Variants in ETV5 observed in about 807,000 individuals in gnomAD.
ETV5 encodes ETS variant transcription factor 5.
ETV5 carries 10 observed loss-of-function variants against 70.0 expected under a neutral mutation model. That is an observed-to-expected ratio of 0.14 (90% CI 0.09 to 0.24). ETV5 has a LOEUF of 0.24. Among genes scored for constraint, ETV5 ranks in the 10% least tolerant of loss-of-function variants. The pLI is 1.00. For synonymous variants in ETV5, 216 were observed against 242.2 expected (o/e 0.89, Z 1.01); for missense variants, 453 against 651.2 (o/e 0.70, Z 3.31).
At chr3:186,085,711 T>C (rs1271154126) in intron 5 of ETV5, among the ~76,000 whole-genome samples, 1 of 152,070 alleles carries the variant, frequency 6.6e-6, no homozygotes, top group African/African-American at 2.4e-5. Context: ...GGTTTCACCA[T>C]GTTGGTCAGG....
intron 5 of ETV5, among the ~76,000 whole-genome samples, chr3:186,098,842 T>C (rs1370342138): frequency 6.6e-6 from 1 of 152,226 alleles, no homozygotes; most frequent in Non-Finnish European, 1.5e-5. Flanking sequence ...ATGTCTTATG[T>C]ATGCTTCTTC....
chr3:186,063,393 T>C (rs886786753), intron 9 of ETV5, among the ~76,000 whole-genome samples: 1 of 152,232 alleles, frequency 6.6e-6, no homozygotes, highest in Non-Finnish European at 1.5e-5. Context: ...TCTTATTTGT[T>C]CCCAATTACT....
chr3:186,077,771 G>C (rs748721039), intron 7 of ETV5, among the ~76,000 whole-genome samples: 7 of 152,206 alleles, frequency 4.6e-5, no homozygotes, highest in Non-Finnish European at 7.3e-5. Context: ...CAGCACTCTT[G>C]AGTGGAAATC....
chr3:186,084,673 T>C (rs562763956), intron 5 of ETV5, among the ~76,000 whole-genome samples: 6 of 152,248 alleles, frequency 3.9e-5, no homozygotes, highest in South Asian at 2.1e-4. Context: ...CTCACATTTA[T>C]AGATAAGGAT....
At chr3:186,053,452 G>GA (rs1244601538) in intron 11 of ETV5, among the ~76,000 whole-genome samples, 2 of 152,188 alleles carry the variant, frequency 1.3e-5, no homozygotes, top group South Asian at 2.1e-4. Context: ...GAATCAGAGA[G>GA]AAAACAGCAT....
At chr3:186,086,558 A>T (rs977988953) in intron 5 of ETV5, among the ~76,000 whole-genome samples, 1 of 152,244 alleles carries the variant, frequency 6.6e-6, no homozygotes, top group Non-Finnish European at 1.5e-5. Flanking sequence ...ACATGTAAAA[A>T]AACTTTTAGT....
intron 7 of ETV5, among the ~76,000 whole-genome samples, chr3:186,073,359 G>C (rs997557368): frequency 1.3e-5 from 2 of 152,268 alleles, no homozygotes; most frequent in African/African-American, 4.8e-5. Flanking sequence ...CTCTGTCCAA[G>C]CGTGATTTTA....
At chr3:186,087,843 T>C (rs1189880498) in intron 5 of ETV5, among the ~76,000 whole-genome samples, 1 of 152,186 alleles carries the variant, frequency 6.6e-6, no homozygotes, top group Admixed American at 6.5e-5. Flanking sequence ...AAAGCATTTT[T>C]TTTTTTTTTA....
chr3:186,048,816 A>T lies in ETV5; in HGVS notation c.1356T>A (p.Asp452Glu), dbSNP rs761626996. 2.2e-5 allele frequency: 36 copies of T among 1,614,110 alleles called. No individual in the cohort carries two copies. In the Middle Eastern group the frequency reaches 6.6e-4, roughly 30 times the overall value. ...CCGGGAAAGCCATGGAGAAGAGGGCATCTGGGTCACAGACAAATTTGTAGA... is the reference window on the plus strand; with the variant it reads ...CCGGGAAAGCCATGGAGAAGAGGGCTTCTGGGTCACAGACAAATTTGTAGA... ...RYVYKFVCDP[D>E]ALFSMAFPDN... The change falls in exon 13 of 13, where the codon GAT (aspartate) becomes GAA (glutamate). Residue 452 changes from aspartate to glutamate, a missense_variant. Physicochemically the swap from Asp to Glu is conservative, Grantham distance 45 (BLOSUM62 2). Coordinates refer to ENST00000306376, the MANE Select transcript of ETV5 (RefSeq NM_004454.3).
intron 5 of ETV5, among the ~76,000 whole-genome samples, chr3:186,102,043 G>A (rs1714470052): frequency 6.6e-6 from 1 of 152,042 alleles, no homozygotes; most frequent in Non-Finnish European, 1.5e-5. Flanking sequence ...ATTTCTATAA[G>A]ATATAAAAGC....
At position 186,048,814 on chromosome 3, in the gene ETV5, G is replaced by A. The variant is rs2150140072; in HGVS notation, c.1358C>T (p.Ala453Val). 1.9e-6 allele frequency: 3 copies of A among 1,614,106 alleles called. No individual in the cohort carries two copies. The highest frequency in any genetic ancestry group is 2.5e-6 in the Non-Finnish European group (3 of 1,180,016). Reference protein sequence around the residue: ...YVYKFVCDPDALFSMAFPDNQ... With the variant: ...YVYKFVCDPDVLFSMAFPDNQ... ...ATCCGGGAAAGCCATGGAGAAGAGG[G>A]CATCTGGGTCACAGACAAATTTGTA... Residue 453 changes from alanine to valine, a missense_variant, in exon 13 of 13, where the codon GCC becomes GTC. Ala to Val is a moderately conservative substitution (Grantham distance 64). This residue lies in a region of ETV5 where 74 missense variants were observed against 95.2 expected (regional missense o/e 0.78). Coordinates refer to ENST00000306376, the MANE Select transcript of ETV5 (RefSeq NM_004454.3).
intron 5 of ETV5, among the ~76,000 whole-genome samples, chr3:186,096,267 A>G (rs1366051350): frequency 6.6e-6 from 1 of 152,170 alleles, no homozygotes; most frequent in Non-Finnish European, 1.5e-5. Flanking sequence ...ATTAAAATTC[A>G]GATGAGGAAA....
rs377502168 is a variant in ETV5 at position 186,105,878 on chromosome 3, A to G, written c.-10T>C. ...CATAAAACCCGTCCATGGTGCTTTC[A>G]GCGTCTCTAATACCACTTTGAGAGG... On this transcript the variant is annotated 5_prime_UTR_variant, in exon 2 of 13. Coordinates refer to ENST00000306376, the MANE Select transcript of ETV5 (RefSeq NM_004454.3). This position sits in a 1 kb window ranked among gnomAD's most constrained non-coding sequence, Gnocchi z 4.5. The G allele has an allele frequency of 1.5e-5, 24 of 1,613,726 alleles. No homozygotes were observed. Among genetic ancestry groups the G allele is most frequent in the Non-Finnish European group, 1.9e-5 (23 of 1,179,904 alleles).
At chr3:186,079,018 T>C (rs1201208116) in intron 7 of ETV5, 1 of 1,058,152 alleles carries the variant, frequency 9.5e-7, no homozygotes, top group African/African-American at 1.6e-5. Context: ...ACAAGATAGA[T>C]AGATATGAAA....
Position 186,053,160 on chromosome 3 carries a change from G to C in ETV5, c.1210-1029C>G, listed in dbSNP as rs547219187. Among the ~76,000 whole-genome samples, 26 of 152,224 alleles carry C rather than the reference G, an allele frequency of 1.7e-4. No individual in the cohort carries two copies. In the South Asian group the frequency reaches 5.4e-3, roughly 32 times the overall value. On this transcript the variant is annotated intron_variant, in intron 11 of 12. Transcript: ENST00000306376. ...TCTGTTGCCCAGGCTGGAGTGCAGT[G>C]GCACGATCATGGCTCACTGCAACCT...
At chr3:186,048,933 T>G in intron 12 of ETV5, 73 bp from the exon 13 acceptor site, 1 of 1,287,148 alleles carries the variant, frequency 7.8e-7, no homozygotes, top group South Asian at 1.3e-5. Context: ...AACGAGGTAT[T>G]CCTAAGTCAC....
Position 186,054,284 on chromosome 3 carries a change from T to C in ETV5, c.1210-2153A>G, listed in dbSNP as rs1713104438. On this transcript the variant is annotated intron_variant, in intron 11 of 12. Coordinates refer to ENST00000306376, the MANE Select transcript of ETV5 (RefSeq NM_004454.3). The surrounding 1 kb of genome is among the most constrained non-coding windows in gnomAD (Gnocchi z 4.4). ...TCTTTCTTCTCTCTCATTAGTTACT[T>C]TGGTAGCACGTATCTTGAGGACTGA... is the stretch of plus-strand genomic sequence containing the variant. 6.6e-6 allele frequency among the ~76,000 whole-genome samples: 1 copy of C among 152,174 alleles called. No homozygotes were observed. Among genetic ancestry groups the C allele is most frequent in the Admixed American group, 6.5e-5 (1 of 15,282 alleles).
At chr3:186,091,087 G>A (rs1433335517) in intron 5 of ETV5, among the ~76,000 whole-genome samples, 1 of 152,188 alleles carries the variant, frequency 6.6e-6, no homozygotes, top group African/African-American at 2.4e-5. Context: ...ACAACTGGCT[G>A]GCCATACCAC....
At chr3:186,072,636 A>G (rs894652068) in intron 7 of ETV5, among the ~76,000 whole-genome samples, 3 of 152,226 alleles carry the variant, frequency 2.0e-5, no homozygotes, top group East Asian at 1.9e-4. Context: ...AAACAACTCC[A>G]TAAGGCCTGC....
Sources: allele counts gnomAD v4.1 joint callset (sites outside exome capture counted in the v4.1 genomes callset), GRCh38; gene constraint gnomAD v4.1.1; regional missense constraint gnomAD v4.1.1; non-coding constraint Gnocchi (gnomAD v3.1); transcripts MANE v1.5; gene names NCBI Gene and HGNC (gene_info 2026-07-23, HGNC 2026-07-21).